Variants in DCP1B observed in about 807,000 individuals in gnomAD.
DCP1B encodes the protein decapping mRNA 1B.
Under a neutral mutation model 60.5 loss-of-function variants are expected in DCP1B, and 47 were observed. The observed-to-expected ratio is 0.78, with a 90% CI of 0.61 to 0.99. The LOEUF (loss-of-function observed/expected upper bound fraction) is 0.99, where lower values mean the gene tolerates loss of function less well. DCP1B is among the 50% of genes least tolerant of loss of function. The pLI is 0.00. For missense variants in DCP1B, 725 were observed against 756.8 expected, an observed-to-expected ratio of 0.96 and a Z score of 0.49; for synonymous variants, 267 against 280.3, an observed-to-expected ratio of 0.95 and a Z score of 0.47.
intron 3 of DCP1B, among the ~76,000 whole-genome samples, chr12:1,982,199 A>AT (rs1391589938): frequency 6.6e-6 from 1 of 152,078 alleles, no homozygotes; most frequent in South Asian, 2.1e-4. Context: ...ATTTGCTAGT[A>AT]TTTTTTCCTT....
At position 1,948,496 on chromosome 12, in the gene DCP1B, GT is replaced by G. The variant is rs1344158262; in HGVS notation, c.1773+589del. On this transcript the variant is annotated intron_variant, in intron 8 of 8. Transcript: ENST00000280665. The surrounding 1 kb of genome is among the most constrained non-coding windows in gnomAD (Gnocchi z 4.8). Reference sequence around the variant, plus strand: ...TAGGGCCCGGCGCCAGCTCTGTGGAGTGTTAGCTATTATAGCACTCATTATT... The same window carrying G: ...TAGGGCCCGGCGCCAGCTCTGTGGAGGTTAGCTATTATAGCACTCATTATT... Among the ~76,000 whole-genome samples, 1 of 152,256 alleles carries G rather than the reference GT, an allele frequency of 6.6e-6. No homozygotes were observed. Among genetic ancestry groups the G allele is most frequent in the Non-Finnish European group, 1.5e-5 (1 of 68,050 alleles).
At chr12:1,960,675 T>C (rs1364874808) in intron 5 of DCP1B, among the ~76,000 whole-genome samples, 3 of 152,204 alleles carry the variant, frequency 2.0e-5, no homozygotes, top group East Asian at 3.8e-4. Flanking sequence ...TAATTTTTCA[T>C]TGAAAATAAT....
chr12:2,004,275 C>T lies in DCP1B; in HGVS notation c.150+7G>A, dbSNP rs1259647750. On this transcript the variant is annotated splice_region_variant and intron_variant, in intron 1 of 8. Transcript: ENST00000280665. ...GGGCTGCACTGCTCCGCCGCGTCCG[C>T]ACGCACCCACTCGTTGGCCCGATGG... 2 of 1,612,890 alleles carry T rather than the reference C, an allele frequency of 1.2e-6. No individual in the cohort carries two copies. The highest frequency in any genetic ancestry group is 2.7e-5 in the African/African-American group (2 of 74,940).
chr12:1,947,105 A>T (rs1218529211), intron 8 of DCP1B, among the ~76,000 whole-genome samples: 1 of 152,236 alleles, frequency 6.6e-6, no homozygotes, highest in African/African-American at 2.4e-5. Flanking sequence ...AAGTCTTCCC[A>T]TAAGTTATGG....
intron 3 of DCP1B, among the ~76,000 whole-genome samples, chr12:1,983,582 A>C (rs2036777787): frequency 6.6e-6 from 1 of 152,090 alleles, no homozygotes; most frequent in Non-Finnish European, 1.5e-5. Flanking sequence ...TGGTCCCAAG[A>C]ATATACTTTG....
chr12:1,954,695 T>G (rs1331146795), intron 6 of DCP1B, among the ~76,000 whole-genome samples: 1 of 152,178 alleles, frequency 6.6e-6, no homozygotes, highest in Non-Finnish European at 1.5e-5. Context: ...CAGTGCTAGC[T>G]CTGCATCTGG....
chr12:1,994,759 G>C (rs1263682560), intron 2 of DCP1B, among the ~76,000 whole-genome samples: 2 of 152,114 alleles, frequency 1.3e-5, no homozygotes, highest in African/African-American at 2.4e-5. Context: ...ATCACAACAG[G>C]ATCTCACCTC....
intron 5 of DCP1B, among the ~76,000 whole-genome samples, chr12:1,963,472 T>C (rs1303344261): frequency 1.3e-5 from 2 of 152,318 alleles, no homozygotes; most frequent in East Asian, 1.9e-4. Context: ...GAGGAAGGAG[T>C]TGGTGCCTTA....
intron 5 of DCP1B, among the ~76,000 whole-genome samples, chr12:1,961,803 A>G (rs2031135005): frequency 6.6e-6 from 1 of 152,240 alleles, no homozygotes; most frequent in Non-Finnish European, 1.5e-5. Flanking sequence ...GGGGAAAAAT[A>G]TTCCAAGACA....
At position 1,948,900 on chromosome 12, in the gene DCP1B, A is replaced by G. The variant is rs1489806170; in HGVS notation, c.1773+186T>C. 6.6e-6 allele frequency among the ~76,000 whole-genome samples: 1 copy of G among 152,186 alleles called. No homozygotes were observed. The highest frequency in any genetic ancestry group is 1.9e-4 in the East Asian group (1 of 5,194). On this transcript the variant is annotated intron_variant, in intron 8 of 8. Transcript: ENST00000280665. The surrounding 1 kb of genome is among the most constrained non-coding windows in gnomAD (Gnocchi z 4.8). ...TGAAGAGCTGAGACACCCAAGCCAC[A>G]CTTGGTATTATAAATAACACCTAGC...
intron 3 of DCP1B, among the ~76,000 whole-genome samples, chr12:1,975,600 G>C (rs1372706805): frequency 6.6e-6 from 1 of 152,082 alleles, no homozygotes; most frequent in African/African-American, 2.4e-5. Flanking sequence ...GCTAAACTGG[G>C]CTCTCTTAAA....
At chr12:1,986,346 G>A (rs926282438) in intron 3 of DCP1B, among the ~76,000 whole-genome samples, 8 of 152,088 alleles carry the variant, frequency 5.3e-5, no homozygotes, top group Non-Finnish European at 1.2e-4. Context: ...CAGCTGTCAG[G>A]GGCCTTTTTC....
chr12:1,958,627 GGA>G (rs768064732), intron 5 of DCP1B, among the ~76,000 whole-genome samples: 11 of 149,114 alleles, frequency 7.4e-5, no homozygotes, highest in Non-Finnish European at 1.5e-5. Context: ...CCTCCTGGAA[GGA>G]GACAGGGGAA....
chr12:1,986,428 C>T (rs2037806346), intron 3 of DCP1B, among the ~76,000 whole-genome samples: 1 of 152,264 alleles, frequency 6.6e-6, no homozygotes, highest in East Asian at 1.9e-4. Context: ...ACAGTCTGTG[C>T]AGCAAAAGAA....
chr12:1,997,886 A>C (rs1183868820), intron 2 of DCP1B, 49 bp downstream of exon 2: 1 of 1,473,234 alleles, frequency 6.8e-7, no homozygotes. Flanking sequence ...AACGGAGCTA[A>C]AATATTATTT....
chr12:2,004,292 G>T lies in DCP1B; in HGVS notation c.140C>A (p.Ala47Asp). 1 of 1,613,156 alleles carries T rather than the reference G, an allele frequency of 6.2e-7. No homozygotes were observed. ...QVALYTFGHR[A>D]NEWEKTDVEG... ...CGCGTCCGCACGCACCCACTCGTTGGCCCGATGGCCGAAGGTGTACAGAGC... is the reference window on the plus strand; with the variant it reads ...CGCGTCCGCACGCACCCACTCGTTGTCCCGATGGCCGAAGGTGTACAGAGC... The change falls in exon 1 of 9, where the codon GCC becomes GAC. Residue 47 changes from alanine (A) to aspartate (D), a missense_variant. Coordinates refer to ENST00000280665, the MANE Select transcript of DCP1B (RefSeq NM_152640.5).
At chr12:1,980,933 TGAA>T (rs1026314772) in intron 3 of DCP1B, among the ~76,000 whole-genome samples, 9 of 151,720 alleles carry the variant, frequency 5.9e-5, no homozygotes, top group African/African-American at 2.2e-4. Flanking sequence ...TAAAACAAGT[TGAA>T]GGAGACATCC....
At chr12:2,003,899 C>T (rs547310881) in intron 1 of DCP1B, among the ~76,000 whole-genome samples, 9 of 152,214 alleles carry the variant, frequency 5.9e-5, no homozygotes, top group African/African-American at 1.9e-4. Context: ...GTCTGCTGTC[C>T]CTGCCTCCCC....
intron 7 of DCP1B, among the ~76,000 whole-genome samples, chr12:1,951,454 T>C (rs973923864): frequency 2.0e-5 from 3 of 152,228 alleles, no homozygotes; most frequent in African/African-American, 7.2e-5. Flanking sequence ...AGATGATCAA[T>C]AGCTTGTGGT....
Sources: allele counts gnomAD v4.1 joint callset (sites outside exome capture counted in the v4.1 genomes callset), GRCh38; gene constraint gnomAD v4.1.1; non-coding constraint Gnocchi (gnomAD v3.1); transcripts MANE v1.5; gene names NCBI Gene and HGNC (gene_info 2026-07-23, HGNC 2026-07-21).